The following ANKS1B variants were observed in gnomAD, a reference collection of about 807,000 sequenced individuals.
ANKS1B encodes ankyrin repeat and sterile alpha motif domain-containing protein 1B.
Under a neutral mutation model 148.3 loss-of-function variants are expected in ANKS1B, and 36 were observed. That is an observed-to-expected ratio of 0.24 (90% CI 0.19 to 0.32). The LOEUF (loss-of-function observed/expected upper bound fraction) is 0.32, where lower values mean the gene tolerates loss of function less well. Ranked by LOEUF, ANKS1B falls within the 10% of genes least tolerant of loss-of-function variation. ANKS1B has a pLI of 1.00. For synonymous variants in ANKS1B, 542 were observed against 560.8 expected, an observed-to-expected ratio of 0.97 and a Z score of 0.47; for missense variants, 1,157 against 1,542.6, an observed-to-expected ratio of 0.75 and a Z score of 4.19.
chr12:99,335,270 A>T (rs1476088548), intron 12 of ANKS1B, among the ~76,000 whole-genome samples: 1 of 151,886 alleles, frequency 6.6e-6, no homozygotes, highest in African/African-American at 2.4e-5. Flanking sequence ...AGATATTTTG[A>T]TACAGGCATA....
chr12:99,302,271 C>T (rs1411717626), intron 12 of ANKS1B, among the ~76,000 whole-genome samples: 6 of 152,072 alleles, frequency 3.9e-5, no homozygotes, highest in African/African-American at 7.2e-5. Context: ...GTTATCCAAA[C>T]ACTAAATTTT....
intron 17 of ANKS1B, among the ~76,000 whole-genome samples, chr12:98,880,877 A>G (rs1475931652): frequency 1.3e-5 from 2 of 152,202 alleles, no homozygotes; most frequent in Non-Finnish European, 2.9e-5. Context: ...CCCAACCCCC[A>G]TAATTACTGG....
At chr12:99,596,010 T>C (rs1323658600) in intron 9 of ANKS1B, among the ~76,000 whole-genome samples, 2 of 151,938 alleles carry the variant, frequency 1.3e-5, no homozygotes, top group Admixed American at 1.3e-4. Context: ...CAGCTAGCTA[T>C]GAAATAATTT....
chr12:99,667,674 TATA>T (rs2098516243), intron 8 of ANKS1B, among the ~76,000 whole-genome samples: 4 of 152,202 alleles, frequency 2.6e-5, no homozygotes, highest in Non-Finnish European at 5.9e-5. Flanking sequence ...CATTATGAAG[TATA>T]ATGTTAGTTA....
chr12:98,958,370 G>C (rs1406970592), intron 17 of ANKS1B, among the ~76,000 whole-genome samples: 1 of 152,156 alleles, frequency 6.6e-6, no homozygotes, highest in Non-Finnish European at 1.5e-5. Flanking sequence ...ATATATCTTA[G>C]AGTGAGGCTA....
chr12:99,548,972 G>C (rs982755952), intron 9 of ANKS1B, among the ~76,000 whole-genome samples: 5 of 152,122 alleles, frequency 3.3e-5, no homozygotes, highest in Admixed American at 6.6e-5. Flanking sequence ...CAATAATGGA[G>C]AACTGCCATG....
At chr12:99,187,428 G>T (rs921402473) in intron 14 of ANKS1B, among the ~76,000 whole-genome samples, 90 of 152,114 alleles carry the variant, frequency 5.9e-4, no homozygotes, top group Non-Finnish European at 6.5e-4. Flanking sequence ...AAAATGTTAA[G>T]GGCAGCCAGA....
intron 17 of ANKS1B, among the ~76,000 whole-genome samples, chr12:98,869,968 A>G (rs2099644948): frequency 6.6e-6 from 1 of 152,204 alleles, no homozygotes; most frequent in Non-Finnish European, 1.5e-5. Context: ...TAGTCTTGTC[A>G]ATAGCCAAGA....
intron 24 of ANKS1B, among the ~76,000 whole-genome samples, chr12:98,776,551 G>A (rs1375599537): frequency 6.6e-6 from 1 of 152,218 alleles, no homozygotes; most frequent in East Asian, 1.9e-4. Flanking sequence ...AACAGCTGAA[G>A]AGGTGTCTTG....
At chr12:99,871,957 T>C (rs1183462929) in intron 1 of ANKS1B, among the ~76,000 whole-genome samples, 1 of 152,016 alleles carries the variant, frequency 6.6e-6, no homozygotes, top group African/African-American at 2.4e-5. Flanking sequence ...TTAAATTGAA[T>C]ACAAAAAACA....
chr12:99,528,355 A>T (rs147138726), intron 9 of ANKS1B, among the ~76,000 whole-genome samples: 3 of 152,030 alleles, frequency 2.0e-5, no homozygotes, highest in African/African-American at 7.2e-5. Flanking sequence ...AATTGCAACA[A>T]AACCAAAAAT....
intron 8 of ANKS1B, among the ~76,000 whole-genome samples, chr12:99,692,449 T>A (rs1036790768): frequency 1.3e-5 from 2 of 151,914 alleles, no homozygotes; most frequent in African/African-American, 4.8e-5. Flanking sequence ...GGTGGGAGGA[T>A]CACTTGAGGT....
intron 10 of ANKS1B, among the ~76,000 whole-genome samples, chr12:99,468,357 A>G (rs1280040318): frequency 2.0e-5 from 3 of 152,242 alleles, no homozygotes; most frequent in Non-Finnish European, 4.4e-5. Flanking sequence ...TCTAGGCATT[A>G]CCATTCAGGA....
intron 12 of ANKS1B, among the ~76,000 whole-genome samples, chr12:99,277,610 G>T (rs546993297): frequency 6.6e-6 from 1 of 152,168 alleles, no homozygotes; most frequent in Admixed American, 6.5e-5. Flanking sequence ...TCTGAGGCTC[G>T]CCCAGTTCTA....
intron 15 of ANKS1B, among the ~76,000 whole-genome samples, chr12:99,092,470 GAAA>G (rs5800375): frequency 6.0e-5 from 7 of 116,684 alleles, no homozygotes; most frequent in African/African-American, 1.3e-4. Flanking sequence ...CTGTGAAGCT[GAAA>G]AAAAAAAAAA....
intron 10 of ANKS1B, 110 bp downstream of exon 10, chr12:99,504,366 G>C: frequency 1.8e-6 from 2 of 1,111,292 alleles, no homozygotes; most frequent in Non-Finnish European, 2.6e-6. Flanking sequence ...AACTACATTG[G>C]GGGAACTTTC....
In ANKS1B at chr12:98,745,375, CTTTTTTTTTTTTT is replaced by C. The variant is rs71305587; in HGVS notation, c.*351_*363del. The stretch of plus-strand genomic sequence containing the variant: ...TAGGCAGTATTAGAGATCCCCTTTA[CTTTTTTTTTTTTT>C]TTTTTTTTTTTAAAGAAAAGGTATT... On this transcript the variant is annotated 3_prime_UTR_variant, in exon 27 of 27. Coordinates refer to ENST00000683438, the MANE Select transcript of ANKS1B (RefSeq NM_001352186.2). 3 of 913,718 alleles carry C rather than the reference CTTTTTTTTTTTTT, an allele frequency of 3.3e-6. No homozygotes were observed. In the African/African-American group the frequency reaches 7.2e-5, roughly 22 times the overall value. The allele number at this position is 913,718 out of a possible 1,614,324, so 56.6% of individuals were successfully genotyped here.
chr12:99,780,851 G>A, intron 5 of ANKS1B, among the ~76,000 whole-genome samples: 1 of 152,066 alleles, frequency 6.6e-6, no homozygotes, highest in African/African-American at 2.4e-5. Flanking sequence ...CAAATACAAG[G>A]TCAAATACTC....
intron 9 of ANKS1B, among the ~76,000 whole-genome samples, chr12:99,640,331 G>T (rs779948059): frequency 6.6e-6 from 1 of 152,072 alleles, no homozygotes; most frequent in Non-Finnish European, 1.5e-5. Flanking sequence ...TACCTAAAAT[G>T]ATGTTGCTAT....
Sources: gnomAD v4.1 joint callset for allele counts (sites outside exome capture counted in the v4.1 genomes callset) on GRCh38, gnomAD v4.1.1 for gene constraint, MANE v1.5 for transcripts, NCBI Gene and HGNC (gene_info 2026-07-23, HGNC 2026-07-21) for gene names.